Variants in HHAT observed in about 807,000 individuals in gnomAD.
The protein encoded by HHAT is hedgehog acyltransferase.
HHAT carries 47 observed loss-of-function variants against 70.8 expected under a neutral mutation model. That is an observed-to-expected ratio of 0.66 (90% confidence interval 0.53 to 0.85). The LOEUF (loss-of-function observed/expected upper bound fraction) is 0.85, where lower values mean the gene tolerates loss of function less well. HHAT is among the 40% of genes least tolerant of loss of function. The pLI is 0.00. For missense variants in HHAT, 609 were observed against 604.8 expected (o/e 1.01, Z -0.07); for synonymous variants, 228 against 247.6 (o/e 0.92, Z 0.74).
intron 9 of HHAT, among the ~76,000 whole-genome samples, chr1:210,582,362 C>T (rs888539373): frequency 3.9e-5 from 6 of 152,114 alleles, no homozygotes; most frequent in African/African-American, 1.4e-4. Flanking sequence ...TAAGTGATTA[C>T]AGGAAACCAG....
intron 5 of HHAT, among the ~76,000 whole-genome samples, chr1:210,403,198 T>C (rs893969056): frequency 2.0e-5 from 3 of 152,218 alleles, no homozygotes; most frequent in African/African-American, 4.8e-5. Context: ...TCTGGACTTA[T>C]GAGAGTATAT....
intron 11 of HHAT, among the ~76,000 whole-genome samples, chr1:210,635,137 A>G (rs1051909178): frequency 1.3e-5 from 2 of 151,984 alleles, no homozygotes; most frequent in Non-Finnish European, 2.9e-5. Flanking sequence ...GAAAGTCACC[A>G]TAGAGGAGGT....
chr1:210,508,718 T>C (rs2148569776), intron 8 of HHAT, among the ~76,000 whole-genome samples: 1 of 152,344 alleles, frequency 6.6e-6, no homozygotes. Flanking sequence ...ATTTTCATTT[T>C]ATATATGTTC....
chr1:210,628,331 GA>G (rs141418076), intron 11 of HHAT, among the ~76,000 whole-genome samples: 16,712 of 151,596 alleles, frequency 0.11, 1,002 homozygotes, highest in South Asian at 0.17. Flanking sequence ...TTAAAAAAAA[GA>G]AAAAAAAGGA....
intron 9 of HHAT, among the ~76,000 whole-genome samples, chr1:210,569,945 G>GTTGGTACTACTATC (rs1655827232): frequency 1.3e-5 from 2 of 152,088 alleles, no homozygotes; most frequent in Non-Finnish European, 2.9e-5. Context: ...CCTATGCCTA[G>GTTGGTACTACTATC]CCTATAGTTG....
Position 210,362,958 on chromosome 1 carries a change from C to G in HHAT, c.159+39C>G, listed in dbSNP as rs770877664. Reference sequence around the variant, plus strand: ...GCATAATAAATCTCAGTTTTCAAACCTGATTTCAATATTTCACATCACATT... The same window carrying G: ...GCATAATAAATCTCAGTTTTCAAACGTGATTTCAATATTTCACATCACATT... On this transcript the variant is annotated intron_variant, in intron 3 of 11. Coordinates refer to ENST00000261458, the MANE Select transcript of HHAT (RefSeq NM_018194.6). 3.5e-6 allele frequency: 5 copies of G among 1,448,280 alleles called. No individual in the cohort carries two copies. The South Asian group carries it at 5.7e-5, about 17-fold the overall frequency. The allele number at this position is 1,448,280 out of a possible 1,614,324, so 89.7% of individuals were successfully genotyped here. A position where few individuals can be genotyped will look rare whatever the true frequency, so the allele number is the denominator to read the frequency against.
intron 8 of HHAT, among the ~76,000 whole-genome samples, chr1:210,492,318 A>G (rs2094565063): frequency 6.6e-6 from 1 of 152,102 alleles, no homozygotes; most frequent in Non-Finnish European, 1.5e-5. Context: ...GTTTACTTGT[A>G]GTTCTTCTCC....
intron 8 of HHAT, among the ~76,000 whole-genome samples, chr1:210,479,483 G>A (rs956762658): frequency 5.9e-5 from 9 of 152,108 alleles, no homozygotes; most frequent in African/African-American, 9.7e-5. Flanking sequence ...TAGATTAGTC[G>A]GAGAAGGCCT....
At chr1:210,405,802 T>A (rs1398210440) in intron 6 of HHAT, among the ~76,000 whole-genome samples, 1 of 152,238 alleles carries the variant, frequency 6.6e-6, no homozygotes. Flanking sequence ...TAGACAGATA[T>A]GTTTAGTCTA....
intron 9 of HHAT, among the ~76,000 whole-genome samples, chr1:210,524,329 C>T (rs572134945): frequency 4.5e-4 from 68 of 152,204 alleles, no homozygotes; most frequent in African/African-American, 1.4e-3. Context: ...ATGGAGGGTG[C>T]AGGTGTGAGT....
chr1:210,434,796 A>G (rs2093337498), intron 7 of HHAT, among the ~76,000 whole-genome samples: 1 of 151,896 alleles, frequency 6.6e-6, no homozygotes, highest in African/African-American at 2.4e-5. Flanking sequence ...TGCATTACAC[A>G]GCAAATAAGA....
chr1:210,634,797 A>T (rs1313692041), intron 11 of HHAT, among the ~76,000 whole-genome samples: 2 of 152,166 alleles, frequency 1.3e-5, no homozygotes, highest in Non-Finnish European at 2.9e-5. Flanking sequence ...TGACTTTTGG[A>T]TTGCAATACA....
At chr1:210,609,186 G>C (rs1666107017) in intron 10 of HHAT, among the ~76,000 whole-genome samples, 1 of 151,904 alleles carries the variant, frequency 6.6e-6, no homozygotes, top group Non-Finnish European at 1.5e-5. Flanking sequence ...CAAACTTTCT[G>C]CTCCTTTTGT....
In HHAT at chr1:210,576,560, A is replaced by G. The variant is rs572690676; in HGVS notation, c.1044-11338A>G. ...AGGGATAGCATTAGGAGATATACCTAATGCTAAATGACGAGTTAATGAGTG... is the reference window on the plus strand; with the variant it reads ...AGGGATAGCATTAGGAGATATACCTGATGCTAAATGACGAGTTAATGAGTG... On this transcript the variant is annotated intron_variant, in intron 9 of 11. Transcript: ENST00000261458. Among the ~76,000 whole-genome samples the G allele has an allele frequency of 5.3e-5, 8 of 152,006 alleles. No individual in the cohort carries two copies. The South Asian group carries it at 1.7e-3, about 32-fold the overall frequency.
At chr1:210,523,027 C>T (rs922036479) in intron 9 of HHAT, among the ~76,000 whole-genome samples, 3 of 152,108 alleles carry the variant, frequency 2.0e-5, no homozygotes, top group South Asian at 2.1e-4. Flanking sequence ...ATTTTCTTTC[C>T]GACCAGGTTG....
intron 9 of HHAT, among the ~76,000 whole-genome samples, chr1:210,519,257 G>A (rs2095111563): frequency 6.6e-6 from 1 of 152,116 alleles, no homozygotes; most frequent in South Asian, 2.1e-4. Context: ...ATCTGTTGTT[G>A]GACACTTGAG....
chr1:210,592,910 C>A (rs4845056), intron 10 of HHAT, among the ~76,000 whole-genome samples: 147,117 of 150,858 alleles, frequency 0.98, 71,840 homozygotes, highest in East Asian at 1. Context: ...TTTAAGTTCT[C>A]GGGTGCATAT....
chr1:210,448,025 C>G (rs908107258), intron 7 of HHAT, among the ~76,000 whole-genome samples: 1 of 151,778 alleles, frequency 6.6e-6, no homozygotes, highest in East Asian at 1.9e-4. Context: ...GGTAGCATAA[C>G]TTTCCATCTG....
Position 210,588,040 on chromosome 1 carries a change from G to A in HHAT, c.1186G>A (p.Val396Ile), listed in dbSNP as rs1329136878. 1.2e-6 allele frequency: 2 copies of A among 1,613,732 alleles called. No individual in the cohort carries two copies. Among genetic ancestry groups the A allele is most frequent in the East Asian group, 2.2e-5 (1 of 44,846 alleles). ...WCWAALNWLG[V>I]TVENGVRRLV... The stretch of plus-strand genomic sequence containing the variant: ...CTGGGCAGCGCTCAACTGGCTGGGA[G>A]TCACTGTGGAGAATGGAGTCCGGAG... The change falls in exon 10 of 12, where the codon GTC becomes ATC. Residue 396 changes from valine (V) to isoleucine (I), a missense_variant. Val to Ile is a conservative substitution (Grantham distance 29). Coordinates refer to ENST00000261458, the MANE Select transcript of HHAT (RefSeq NM_018194.6).
Sources: allele counts gnomAD v4.1 joint callset (sites outside exome capture counted in the v4.1 genomes callset), GRCh38; gene constraint gnomAD v4.1.1; transcripts MANE v1.5; gene names NCBI Gene and HGNC (gene_info 2026-07-23, HGNC 2026-07-21).